ATXN1: variants seen among roughly 807,000 people sequenced by gnomAD.
ATXN1 encodes ataxin 1.
A neutral mutation model predicts 56.4 loss-of-function variants in ATXN1; 8 were observed. The ratio of observed to expected loss-of-function variants is 0.14; its 90% CI spans 0.08 to 0.26. The LOEUF is 0.26. ATXN1 is among the 10% of genes least tolerant of loss of function. The pLI, the probability that ATXN1 is intolerant of heterozygous loss-of-function variation, is 1.00. For missense variants in ATXN1, 987 were observed against 1,106.5 expected (o/e 0.89, Z 1.53); for synonymous variants, 514 against 494.6 (o/e 1.04, Z -0.52).
At chr6:16,570,094 T>A (rs1047942207) in intron 4 of ATXN1, among the ~76,000 whole-genome samples, 3 of 152,246 alleles carry the variant, frequency 2.0e-5, no homozygotes, top group African/African-American at 7.2e-5. Flanking sequence ...TATTGCAACA[T>A]CCTTGCCCAT....
At chr6:16,711,759 A>C (rs1010963970) in intron 2 of ATXN1, among the ~76,000 whole-genome samples, 4 of 152,132 alleles carry the variant, frequency 2.6e-5, no homozygotes, top group African/African-American at 9.7e-5. Flanking sequence ...CTGGGATTAC[A>C]GGTGCGTGCC....
At position 16,316,865 on chromosome 6, in the gene ATXN1, C is replaced by CTTTTTTTTTTTTTTTTTTTTTTTTT. The variant is rs375359789; in HGVS notation, c.1917+9504_1917+9528dup. 2.3e-4 allele frequency among the ~76,000 whole-genome samples: 23 copies of CTTTTTTTTTTTTTTTTTTTTTTTTT among 99,460 alleles called. 1 individual carries two copies. Among genetic ancestry groups the CTTTTTTTTTTTTTTTTTTTTTTTTT allele is most frequent in the Non-Finnish European group, 2.8e-4 (16 of 56,242 alleles). The allele number at this position is 99,460 out of a possible 152,430, so 65.2% of individuals were successfully genotyped here. A position where few individuals can be genotyped will look rare whatever the true frequency, so the allele number is the denominator to read the frequency against. ...AGGGGGCAATAGAGAGACTGCCTGT[C>CTTTTTTTTTTTTTTTTTTTTTTTTT]TTTTTTTTTTTTTTTTTTTTTTTTT... On this transcript the variant is annotated intron_variant, in intron 7 of 7. Coordinates refer to ENST00000436367, the MANE Select transcript of ATXN1 (RefSeq NM_001128164.2).
chr6:16,553,053 G>A (rs979532210), intron 4 of ATXN1, among the ~76,000 whole-genome samples: 15 of 152,188 alleles, frequency 9.9e-5, no homozygotes, highest in African/African-American at 3.4e-4. Context: ...TTCAAATTCC[G>A]CTTTCGTTCA....
intron 3 of ATXN1, among the ~76,000 whole-genome samples, chr6:16,593,095 A>G (rs1012764771): frequency 3.3e-5 from 5 of 152,178 alleles, no homozygotes; most frequent in African/African-American, 7.2e-5. Context: ...TGATTGGTGC[A>G]TTTTACAAAC....
chr6:16,399,930 G>A (rs935788711), intron 6 of ATXN1, among the ~76,000 whole-genome samples: 5 of 152,156 alleles, frequency 3.3e-5, no homozygotes, highest in African/African-American at 1.2e-4. Context: ...GGCTCCTGGA[G>A]GACATCCTCT....
At chr6:16,685,327 C>T (rs1660221760) in intron 2 of ATXN1, among the ~76,000 whole-genome samples, 1 of 152,140 alleles carries the variant, frequency 6.6e-6, no homozygotes, top group Non-Finnish European at 1.5e-5. Context: ...CCACCACCTC[C>T]CCGCCCCCAT....
At chr6:16,632,171 C>T (rs558429730) in intron 3 of ATXN1, among the ~76,000 whole-genome samples, 321 of 152,268 alleles carry the variant, frequency 2.1e-3, no homozygotes, top group African/African-American at 7.4e-3. Context: ...TTTCCCTATT[C>T]ACTCTTCTTC....
At chr6:16,312,798 C>T (rs1760426708) in intron 7 of ATXN1, among the ~76,000 whole-genome samples, 1 of 152,244 alleles carries the variant, frequency 6.6e-6, no homozygotes, top group African/African-American at 2.4e-5. Flanking sequence ...CTCCTCGATA[C>T]TAACCCCTTC....
chr6:16,317,842 T>C (rs753778885), intron 7 of ATXN1, among the ~76,000 whole-genome samples: 1 of 152,036 alleles, frequency 6.6e-6, no homozygotes, highest in Non-Finnish European at 1.5e-5. Context: ...AATCGACTCC[T>C]CTAGAACTGT....
chr6:16,384,716 T>C (rs1465178952), intron 6 of ATXN1, among the ~76,000 whole-genome samples: 1 of 152,188 alleles, frequency 6.6e-6, no homozygotes, highest in African/African-American at 2.4e-5. Context: ...ACCTCCCCTT[T>C]CCCTTCCTCC....
At chr6:16,682,036 TCTC>T (rs1313657418) in intron 2 of ATXN1, among the ~76,000 whole-genome samples, 1 of 151,966 alleles carries the variant, frequency 6.6e-6, no homozygotes, top group Non-Finnish European at 1.5e-5. Flanking sequence ...TAGCCGCTGT[TCTC>T]CTTCCGAATG....
intron 7 of ATXN1, among the ~76,000 whole-genome samples, chr6:16,313,470 G>C (rs1183885264): frequency 6.6e-6 from 1 of 152,104 alleles, no homozygotes; most frequent in Non-Finnish European, 1.5e-5. Flanking sequence ...ACCATAGCTA[G>C]AACAGCCTGC....
chr6:16,499,655 C>T (rs1174424188), intron 5 of ATXN1, among the ~76,000 whole-genome samples: 1 of 152,206 alleles, frequency 6.6e-6, no homozygotes, highest in Non-Finnish European at 1.5e-5. Context: ...AAGCCCGACA[C>T]CCACCCATTA....
At chr6:16,710,944 C>T (rs751755273) in intron 2 of ATXN1, among the ~76,000 whole-genome samples, 5 of 145,844 alleles carry the variant, frequency 3.4e-5, no homozygotes, top group Non-Finnish European at 7.5e-5. Context: ...GGATGGAATG[C>T]AATGCTGCAG....
intron 7 of ATXN1, among the ~76,000 whole-genome samples, chr6:16,310,291 CAG>C (rs1760359125): frequency 6.6e-6 from 1 of 151,868 alleles, no homozygotes; most frequent in African/African-American, 2.4e-5. Flanking sequence ...TTCAGACAAA[CAG>C]TAATTAAAAG....
At chr6:16,682,653 A>G (rs1406573066) in intron 2 of ATXN1, among the ~76,000 whole-genome samples, 1 of 152,224 alleles carries the variant, frequency 6.6e-6, no homozygotes, top group African/African-American at 2.4e-5. Flanking sequence ...TGCCCATGAT[A>G]AGCCAGTGAC....
At chr6:16,759,530 GTTTTTTTTTTT>G (rs1046854905) in intron 1 of ATXN1, among the ~76,000 whole-genome samples, 41 of 45,924 alleles carry the variant, frequency 8.9e-4, no homozygotes, top group Non-Finnish European at 1.4e-3. Context: ...TCTTCCGACT[GTTTTTTTTTTT>G]TTTTTTTTTT....
chr6:16,576,934 A>G (rs1469650947), intron 4 of ATXN1, among the ~76,000 whole-genome samples: 1 of 152,218 alleles, frequency 6.6e-6, no homozygotes, highest in Non-Finnish European at 1.5e-5. Flanking sequence ...ACAAGTAGAC[A>G]CTTCATGGAG....
At chr6:16,656,981 CTTTT>C (rs869034865) in intron 3 of ATXN1, among the ~76,000 whole-genome samples, 4 of 120,408 alleles carry the variant, frequency 3.3e-5, no homozygotes, top group Admixed American at 9.2e-5. Flanking sequence ...GTATTATAAT[CTTTT>C]TTTTTTTTTT....
Sources: allele counts gnomAD v4.1 joint callset (sites outside exome capture counted in the v4.1 genomes callset), GRCh38; gene constraint gnomAD v4.1.1; transcripts MANE v1.5; gene names NCBI Gene and HGNC (gene_info 2026-07-23, HGNC 2026-07-21).